The following NTAQ1 variants were observed in gnomAD, a reference collection of about 807,000 sequenced individuals.
The protein encoded by NTAQ1 is N-terminal glutamine amidase 1, also known as protein N-terminal glutamine amidohydrolase.
In NTAQ1, 21 loss-of-function variants were observed where a neutral mutation model predicts 28.2. That is an observed-to-expected ratio of 0.74 (90% CI 0.53 to 1.07). NTAQ1 has a LOEUF of 1.07. Among genes scored for constraint, NTAQ1 ranks in the 50% least tolerant of loss-of-function variants. The pLI is 0.00. For synonymous variants in NTAQ1, 105 were observed against 90.0 expected (o/e 1.17, Z -0.94); for missense variants, 264 against 256.6 (o/e 1.03, Z -0.20).
chr8:123,422,555 G>A (rs1458396698), intron 1 of NTAQ1, among the ~76,000 whole-genome samples: 1 of 151,044 alleles, frequency 6.6e-6, no homozygotes, highest in East Asian at 1.9e-4. Flanking sequence ...GGGATTACAA[G>A]CACGAGCCTC....
At chr8:123,449,547 T>A (rs1815407466), downstream of NTAQ1, among the ~76,000 whole-genome samples, 1 of 152,062 alleles carries the variant, frequency 6.6e-6, no homozygotes, top group Admixed American at 6.6e-5. Context: ...ACTGCCCTGG[T>A]GATTCAGCAG....
At chr8:123,462,023 A>G (rs1472740445) in intron 6 of NTAQ1, among the ~76,000 whole-genome samples, 2 of 152,184 alleles carry the variant, frequency 1.3e-5, no homozygotes, top group African/African-American at 4.8e-5. Flanking sequence ...TTTTCAGTGC[A>G]TGTATCCCTA....
At chr8:123,447,588 A>G (rs1165248547) in intron 6 of NTAQ1, among the ~76,000 whole-genome samples, 4 of 152,166 alleles carry the variant, frequency 2.6e-5, no homozygotes, top group Non-Finnish European at 5.9e-5. Flanking sequence ...CCAAGTCACT[A>G]GCCAGTAAGT....
intron 5 of NTAQ1, among the ~76,000 whole-genome samples, chr8:123,440,000 G>A (rs1814953520): frequency 6.6e-6 from 1 of 150,594 alleles, no homozygotes; most frequent in Non-Finnish European, 1.5e-5. Context: ...TTAGATACAT[G>A]CATTATTGGG....
At chr8:123,444,356 C>T (rs1354696281), downstream of NTAQ1, among the ~76,000 whole-genome samples, 4 of 152,050 alleles carry the variant, frequency 2.6e-5, no homozygotes, top group Admixed American at 1.3e-4. Flanking sequence ...TGCGCCGCTA[C>T]ACCTGGCTAA....
chr8:123,473,560 G>A (rs1816062754), downstream of NTAQ1, among the ~76,000 whole-genome samples: 1 of 152,124 alleles, frequency 6.6e-6, no homozygotes. Context: ...CAACGTGCTG[G>A]GATTATAGGC....
intron 5 of NTAQ1, among the ~76,000 whole-genome samples, chr8:123,437,694 C>A (rs1814802495): frequency 2.2e-5 from 3 of 135,278 alleles, no homozygotes; most frequent in East Asian, 2.2e-4. Flanking sequence ...CAGAGTGAGA[C>A]TCCATCTCAA....
downstream of NTAQ1, among the ~76,000 whole-genome samples, chr8:123,449,951 A>ATGTGTGTGTGTG (rs1563902023): frequency 5.3e-4 from 7 of 13,174 alleles, no homozygotes; most frequent in Admixed American, 1.0e-3. Flanking sequence ...GTGTGTGTGC[A>ATGTGTGTGTGTG]TATATATATA....
At chr8:123,430,817 C>T (rs1424835399) in intron 3 of NTAQ1, among the ~76,000 whole-genome samples, 1 of 152,132 alleles carries the variant, frequency 6.6e-6, no homozygotes. Flanking sequence ...TTTAGTAAAT[C>T]TAGAGAGGGG....
At chr8:123,420,432 A>G (rs1282518659) in intron 1 of NTAQ1, among the ~76,000 whole-genome samples, 1 of 152,160 alleles carries the variant, frequency 6.6e-6, no homozygotes, top group Non-Finnish European at 1.5e-5. Flanking sequence ...GTATATACAC[A>G]GTAATGGGAT....
At chr8:123,430,322 A>G (rs1199470928) in intron 3 of NTAQ1, among the ~76,000 whole-genome samples, 2 of 152,164 alleles carry the variant, frequency 1.3e-5, no homozygotes, top group African/African-American at 2.4e-5. Context: ...TTGGCTACAC[A>G]TTAGAATTAT....
intron 1 of NTAQ1, among the ~76,000 whole-genome samples, chr8:123,427,491 A>T (rs1291354577): frequency 6.6e-6 from 1 of 151,874 alleles, no homozygotes; most frequent in East Asian, 1.9e-4. Flanking sequence ...GCTGGTCTCG[A>T]ACTCCTGACC....
At chr8:123,457,570 T>C (rs1285570862) in intron 6 of NTAQ1, among the ~76,000 whole-genome samples, 1 of 152,212 alleles carries the variant, frequency 6.6e-6, no homozygotes, top group African/African-American at 2.4e-5. Flanking sequence ...TATTTGCTTA[T>C]ATTTGTACAG....
At chr8:123,475,200 C>T in the NTAQ1 span, among the ~76,000 whole-genome samples, 3 of 152,182 alleles carry the variant, frequency 2.0e-5, no homozygotes, top group Non-Finnish European at 4.4e-5. Flanking sequence ...GCATTAGGAG[C>T]TTAAACAGGT....
chr8:123,417,808 C>T (rs1046819071), intron 1 of NTAQ1, among the ~76,000 whole-genome samples: 1 of 152,056 alleles, frequency 6.6e-6, no homozygotes, highest in Non-Finnish European at 1.5e-5. Flanking sequence ...CCAGGAGGTA[C>T]CTTCTTTTAT....
intron 3 of NTAQ1, among the ~76,000 whole-genome samples, chr8:123,431,791 A>G (rs796509207): frequency 1.3e-5 from 2 of 152,322 alleles, no homozygotes; most frequent in African/African-American, 4.8e-5. Flanking sequence ...GAGGTAATGC[A>G]CAGGAAGCAT....
exon 7 of NTAQ1, among the ~76,000 whole-genome samples, chr8:123,468,228 A>G (rs1816003117): frequency 6.6e-6 from 1 of 152,204 alleles, no homozygotes; most frequent in Non-Finnish European, 1.5e-5. Flanking sequence ...GTATTTATCT[A>G]TTTATGGTAA....
At chr8:123,463,899 G>A (rs998302165) in intron 6 of NTAQ1, among the ~76,000 whole-genome samples, 3 of 152,124 alleles carry the variant, frequency 2.0e-5, no homozygotes, top group African/African-American at 7.2e-5. Context: ...GGAGGGACCT[G>A]GTGGGAGGTA....
downstream of NTAQ1, among the ~76,000 whole-genome samples, chr8:123,474,702 C>T (rs533474868): frequency 6.0e-4 from 92 of 152,224 alleles, no homozygotes; most frequent in African/African-American, 2.1e-3. Context: ...GTCAGGAGTT[C>T]GAGACCAGCC....
Sources: gnomAD v4.1 joint callset for allele counts (sites outside exome capture counted in the v4.1 genomes callset) on GRCh38, gnomAD v4.1.1 for gene constraint, MANE v1.5 for transcripts, NCBI Gene and HGNC (gene_info 2026-07-23, HGNC 2026-07-21) for gene names.